ANAPC10: variants seen among roughly 807,000 people sequenced by gnomAD.
The protein encoded by ANAPC10 is anaphase-promoting complex subunit 10.
ANAPC10 carries 12 observed loss-of-function variants against 22.0 expected under a neutral mutation model. The ratio of observed to expected loss-of-function variants is 0.55; its 90% CI spans 0.35 to 0.88. The LOEUF (loss-of-function observed/expected upper bound fraction) is 0.88. Among genes scored for constraint, ANAPC10 ranks in the 40% least tolerant of loss-of-function variants. The pLI is 0.01. For missense variants in ANAPC10, 188 were observed against 220.9 expected (o/e 0.85, Z 0.94); for synonymous variants, 65 against 69.5 (o/e 0.94, Z 0.32).
chr4:145,097,701 G>A, intron 1 of ANAPC10: 1 of 400,140 alleles, frequency 2.5e-6, no homozygotes, highest in Non-Finnish European at 4.9e-6. Flanking sequence ...CAAGTTAGGT[G>A]AGATCTAGGG....
intron 4 of ANAPC10, among the ~76,000 whole-genome samples, chr4:145,020,850 TAAAA>T (rs1185247473): frequency 7.1e-6 from 1 of 141,626 alleles, no homozygotes; most frequent in African/African-American, 2.6e-5. Context: ...AAAAAAAAAA[TAAAA>T]AAGACAAAGA....
At chr4:145,073,994 C>G (rs1451813869) in intron 3 of ANAPC10, among the ~76,000 whole-genome samples, 11 of 151,912 alleles carry the variant, frequency 7.2e-5, no homozygotes, top group African/African-American at 2.4e-4. Context: ...GTACATTAGT[C>G]CCTATAATCC....
intron 4 of ANAPC10, among the ~76,000 whole-genome samples, chr4:145,007,697 T>G (rs1009955089): frequency 2.6e-5 from 4 of 152,144 alleles, no homozygotes; most frequent in Non-Finnish European, 5.9e-5. Context: ...GGGAAATTTA[T>G]AGCACTAAAT....
Position 145,095,936 on chromosome 4 carries a change from A to C in ANAPC10, c.115+49T>G, listed in dbSNP as rs369273194. 33 of 1,613,212 alleles carry C rather than the reference A, an allele frequency of 2.0e-5. No homozygotes were observed. The African/African-American group carries it at 3.6e-4, about 18-fold the overall frequency. On this transcript the variant is annotated intron_variant, in intron 2 of 4. Coordinates refer to ENST00000507656, the MANE Select transcript of ANAPC10 (RefSeq NM_001256706.2). ...GATAAGGGGAGATGCCTGTACAAGG[A>C]AACTGCAAGTGACTATTTCCAACAG...
intron 4 of ANAPC10, chr4:145,035,265 T>C (rs1422888673): frequency 6.6e-6 from 1 of 152,186 alleles, no homozygotes; most frequent in African/African-American, 2.4e-5. Flanking sequence ...CAAAGCTGTG[T>C]GCTTGGTCAA....
At chr4:145,018,628 C>T (rs1329079995) in intron 4 of ANAPC10, among the ~76,000 whole-genome samples, 1 of 151,280 alleles carries the variant, frequency 6.6e-6, no homozygotes, top group African/African-American at 2.4e-5. Flanking sequence ...CAGAGCGAGA[C>T]TCCATCTCAA....
At chr4:145,072,247 T>C (rs1362646339) in intron 3 of ANAPC10, among the ~76,000 whole-genome samples, 3 of 152,194 alleles carry the variant, frequency 2.0e-5, no homozygotes, top group Admixed American at 2.0e-4. Context: ...CAAGTTCTCA[T>C]CCAGAGCAGA....
chr4:145,077,167 C>A (rs1448528627), intron 3 of ANAPC10, among the ~76,000 whole-genome samples: 2 of 151,874 alleles, frequency 1.3e-5, no homozygotes, highest in East Asian at 1.9e-4. Flanking sequence ...CCACTGCACT[C>A]CAGCCTGGGC....
At chr4:145,082,693 T>G (rs1340656528) in intron 2 of ANAPC10, among the ~76,000 whole-genome samples, 1 of 152,228 alleles carries the variant, frequency 6.6e-6, no homozygotes, top group African/African-American at 2.4e-5. Flanking sequence ...CAGAATCCCA[T>G]GTTCTCCATC....
intron 4 of ANAPC10, among the ~76,000 whole-genome samples, chr4:145,031,566 G>C (rs1274787929): frequency 6.6e-6 from 1 of 152,230 alleles, no homozygotes; most frequent in African/African-American, 2.4e-5. Context: ...TGACCTGAAA[G>C]GCTGACAGTT....
At position 145,096,116 on chromosome 4, in the gene ANAPC10, G is replaced by T; in HGVS notation, c.-12-5C>A. 2 of 1,611,540 alleles carry T rather than the reference G, an allele frequency of 1.2e-6. No homozygotes were observed. Among genetic ancestry groups the T allele is most frequent in the Non-Finnish European group, 1.7e-6 (2 of 1,179,406 alleles). On this transcript the variant is annotated splice_region_variant and splice_polypyrimidine_tract_variant and intron_variant, in intron 1 of 4. Transcript: ENST00000507656. ...TGTAGTCATTTTTAAAATATTCTAT[G>T]TAGAAAACAAGAATGCACACATTGT...
At chr4:145,013,709 A>G (rs188461730) in intron 4 of ANAPC10, among the ~76,000 whole-genome samples, 9 of 152,172 alleles carry the variant, frequency 5.9e-5, no homozygotes, top group African/African-American at 2.2e-4. Flanking sequence ...AGACCCTCTG[A>G]AAAAAGCGGT....
At position 145,011,372 on chromosome 4, in the gene ANAPC10, A is replaced by G. The variant is rs146273278; in HGVS notation, c.328-15769T>C. ...AAAATAAAATAAAATAAAATAAAAT[A>G]AAATAAAATAAAATAAAATTCAAGA... On this transcript the variant is annotated intron_variant, in intron 4 of 4. Transcript: ENST00000507656. Among the ~76,000 whole-genome samples the G allele has an allele frequency of 1.2e-3, 175 of 151,158 alleles. 3 individuals carry two copies. The highest frequency in any genetic ancestry group is 4.0e-3 in the African/African-American group (166 of 41,328).
At chr4:145,046,906 C>T (rs1740389551) in intron 4 of ANAPC10, among the ~76,000 whole-genome samples, 1 of 152,110 alleles carries the variant, frequency 6.6e-6, no homozygotes, top group East Asian at 1.9e-4. Context: ...TTATCTAGCA[C>T]TTTCCAACCT....
chr4:145,035,686 C>G (rs1471933636), intron 4 of ANAPC10, among the ~76,000 whole-genome samples: 1 of 152,212 alleles, frequency 6.6e-6, no homozygotes, highest in Non-Finnish European at 1.5e-5. Context: ...CTCATAGGTT[C>G]CAGATTGTTT....
At chr4:145,053,859 G>C in intron 4 of ANAPC10, 1 of 529,202 alleles carries the variant, frequency 1.9e-6, no homozygotes, top group Non-Finnish European at 3.4e-6. Flanking sequence ...TGCTTCAGCA[G>C]GTAGTTTCAG....
chr4:145,062,049 C>G (rs927664776), intron 4 of ANAPC10, among the ~76,000 whole-genome samples: 2 of 143,972 alleles, frequency 1.4e-5, no homozygotes, highest in African/African-American at 5.2e-5. Context: ...GGTGACAGAG[C>G]AAGACTCTGT....
At chr4:145,053,533 A>T in intron 4 of ANAPC10, 1 of 403,732 alleles carries the variant, frequency 2.5e-6, no homozygotes, top group South Asian at 8.9e-5. Flanking sequence ...ATTCTAAAAA[A>T]GTGGTGAGAT....
At chr4:145,076,179 A>G (rs1745169533) in intron 3 of ANAPC10, among the ~76,000 whole-genome samples, 1 of 152,146 alleles carries the variant, frequency 6.6e-6, no homozygotes, top group South Asian at 2.1e-4. Context: ...GACTGCTTTG[A>G]CTGCACCCCT....
Sources: gnomAD v4.1 joint callset for allele counts (sites outside exome capture counted in the v4.1 genomes callset) on GRCh38, gnomAD v4.1.1 for gene constraint, MANE v1.5 for transcripts, NCBI Gene and HGNC (gene_info 2026-07-23, HGNC 2026-07-21) for gene names.